The following SEC14L1 variants were observed in gnomAD, a reference collection of about 807,000 sequenced individuals.
SEC14L1 encodes SEC14 like lipid binding 1, also known as SEC14-like protein 1.
A neutral mutation model predicts 85.3 loss-of-function variants in SEC14L1; 48 were observed. The ratio of observed to expected loss-of-function variants is 0.56; its 90% CI spans 0.45 to 0.72. SEC14L1 has a LOEUF of 0.72. Ranked by LOEUF, SEC14L1 falls within the 30% of genes least tolerant of loss-of-function variation. The pLI, the probability that SEC14L1 is intolerant of heterozygous loss-of-function variation, is 0.00. For synonymous variants in SEC14L1, 391 were observed against 355.5 expected, an observed-to-expected ratio of 1.10 and a Z score of -1.12; for missense variants, 682 against 921.4, an observed-to-expected ratio of 0.74 and a Z score of 3.36.
intron 3 of SEC14L1, among the ~76,000 whole-genome samples, chr17:77,154,333 G>C (rs1173050500): frequency 6.6e-6 from 1 of 152,150 alleles, no homozygotes; most frequent in Non-Finnish European, 1.5e-5. Context: ...AATTAGCTGG[G>C]TGTGGTGGCG....
chr17:77,198,576 CTT>C (rs1254638220), intron 8 of SEC14L1, among the ~76,000 whole-genome samples: 22 of 141,816 alleles, frequency 1.6e-4, no homozygotes, highest in Non-Finnish European at 9.3e-5. Context: ...TATGAGATCT[CTT>C]TTTTTTTTTT....
chr17:77,200,429 A>T, intron 8 of SEC14L1, 55 bp from the exon 9 acceptor site: 1 of 1,495,886 alleles, frequency 6.7e-7, no homozygotes, highest in Non-Finnish European at 9.2e-7. Flanking sequence ...GCAGCCTCCC[A>T]AAGTTCCCTT....
intron 3 of SEC14L1, among the ~76,000 whole-genome samples, chr17:77,120,546 G>C (rs1227048954): frequency 1.3e-5 from 2 of 151,614 alleles, no homozygotes; most frequent in Non-Finnish European, 2.9e-5. Flanking sequence ...GCACGATCTC[G>C]GCTCACTGTA....
chr17:77,098,262 G>A (rs971996179), intron 3 of SEC14L1, among the ~76,000 whole-genome samples: 3 of 152,140 alleles, frequency 2.0e-5, no homozygotes, highest in Admixed American at 6.5e-5. Flanking sequence ...ACTTTGGGAG[G>A]CCAAGGCAGG....
chr17:77,177,817 T>C (rs1238501477), intron 3 of SEC14L1, among the ~76,000 whole-genome samples: 1 of 152,214 alleles, frequency 6.6e-6, no homozygotes, highest in Non-Finnish European at 1.5e-5. Context: ...TGTAATCCTC[T>C]GCTGGATACT....
chr17:77,178,783 G>GTAA (rs1020457098), intron 3 of SEC14L1, among the ~76,000 whole-genome samples: 8 of 152,252 alleles, frequency 5.3e-5, no homozygotes, highest in African/African-American at 1.9e-4. Context: ...AGCTCAGGCA[G>GTAA]TAATGCTGGC....
chr17:77,181,552 C>T (rs1378058784), intron 3 of SEC14L1, among the ~76,000 whole-genome samples: 1 of 152,232 alleles, frequency 6.6e-6, no homozygotes, highest in East Asian at 1.9e-4. Context: ...GTTGGGATTA[C>T]AGTCATGCAC....
At chr17:77,099,832 C>T (rs1261185778) in intron 3 of SEC14L1, among the ~76,000 whole-genome samples, 2 of 152,146 alleles carry the variant, frequency 1.3e-5, no homozygotes, top group Admixed American at 1.3e-4. Flanking sequence ...TACTTCACCC[C>T]TTCGAAAGTT....
At chr17:77,096,531 T>G (rs541557179) in intron 3 of SEC14L1, among the ~76,000 whole-genome samples, 15 of 147,474 alleles carry the variant, frequency 1.0e-4, no homozygotes, top group Non-Finnish European at 1.9e-4. Flanking sequence ...CACTCCAGCC[T>G]GGGTGACAGT....
intron 14 of SEC14L1, 139 bp from the exon 15 acceptor site, chr17:77,211,811 G>A (rs1567937962): frequency 5.7e-6 from 6 of 1,060,888 alleles, no homozygotes; most frequent in Non-Finnish European, 8.2e-6. Context: ...TGGGGAAAGA[G>A]ATCCGTCCAT....
chr17:77,177,784 G>A (rs1289335514), intron 3 of SEC14L1, among the ~76,000 whole-genome samples: 1 of 152,112 alleles, frequency 6.6e-6, no homozygotes, highest in African/African-American at 2.4e-5. Flanking sequence ...TGTGCTTATA[G>A]CAGTGGTTCA....
At chr17:77,180,457 C>A (rs994451590) in intron 3 of SEC14L1, among the ~76,000 whole-genome samples, 4 of 152,120 alleles carry the variant, frequency 2.6e-5, no homozygotes, top group African/African-American at 9.7e-5. Context: ...CTGGCTCTTT[C>A]ACCCCGTTGG....
At chr17:77,095,539 C>T (rs1047159980) in intron 3 of SEC14L1, among the ~76,000 whole-genome samples, 1 of 152,120 alleles carries the variant, frequency 6.6e-6, no homozygotes, top group Non-Finnish European at 1.5e-5. Context: ...AATGAAGAGC[C>T]TTCATTGGCT....
intron 3 of SEC14L1, among the ~76,000 whole-genome samples, chr17:77,170,152 T>A (rs755864347): frequency 6.6e-6 from 1 of 152,142 alleles, no homozygotes; most frequent in Non-Finnish European, 1.5e-5. Flanking sequence ...TGAGGGGAGC[T>A]AGATCTGGTT....
chr17:77,202,013 T>C (rs1043184684), intron 9 of SEC14L1, among the ~76,000 whole-genome samples: 1 of 152,132 alleles, frequency 6.6e-6, no homozygotes, highest in African/African-American at 2.4e-5. Context: ...ATCGTCTGTA[T>C]TCCTCCTGCT....
At chr17:77,128,386 G>A (rs1972510818) in intron 3 of SEC14L1, among the ~76,000 whole-genome samples, 1 of 114,868 alleles carries the variant, frequency 8.7e-6, no homozygotes. Context: ...ATTCACACTT[G>A]AGCATTTTAT....
At chr17:77,168,879 G>T (rs11868387) in intron 3 of SEC14L1, among the ~76,000 whole-genome samples, 4,431 of 152,168 alleles carry the variant, frequency 0.029, 213 homozygotes, top group African/African-American at 0.1. Context: ...TTGACCACCA[G>T]AACAGTGCAG....
chr17:77,114,202 C>T (rs1972115394), intron 3 of SEC14L1, among the ~76,000 whole-genome samples: 1 of 152,204 alleles, frequency 6.6e-6, no homozygotes, highest in Admixed American at 6.5e-5. Context: ...GGAGCCACTG[C>T]CTTCCCTCCA....
intron 3 of SEC14L1, among the ~76,000 whole-genome samples, chr17:77,184,975 A>G (rs1230287910): frequency 1.3e-5 from 2 of 152,228 alleles, no homozygotes; most frequent in African/African-American, 4.8e-5. Flanking sequence ...TTTCATTTCC[A>G]GAACCCTCCA....
Sources: gnomAD v4.1 joint callset for allele counts (sites outside exome capture counted in the v4.1 genomes callset) on GRCh38, gnomAD v4.1.1 for gene constraint, MANE v1.5 for transcripts, NCBI Gene and HGNC (gene_info 2026-07-23, HGNC 2026-07-21) for gene names.